Variants in SKI observed in about 807,000 individuals in gnomAD.
The protein encoded by SKI is ski oncogene.
A neutral mutation model predicts 59.3 loss-of-function variants in SKI; 23 were observed. The ratio of observed to expected loss-of-function variants is 0.39; its 90% confidence interval spans 0.28 to 0.55. SKI has a LOEUF of 0.55. Among genes scored for constraint, SKI ranks in the 20% least tolerant of loss-of-function variants. SKI has a pLI of 0.67. For synonymous variants in SKI, 673 were observed against 488.6 expected (o/e 1.38, Z -4.98); for missense variants, 1,017 against 1,038.9 (o/e 0.98, Z 0.29).
At chr1:2,296,517 G>C (rs546964212) in intron 1 of SKI, among the ~76,000 whole-genome samples, 1 of 152,250 alleles carries the variant, frequency 6.6e-6, no homozygotes, top group Non-Finnish European at 1.5e-5. Context: ...CTGGATGTTA[G>C]TATCCTGTTT....
intron 1 of SKI, among the ~76,000 whole-genome samples, chr1:2,292,003 G>A (rs979490683): frequency 5.3e-5 from 8 of 152,246 alleles, no homozygotes; most frequent in Non-Finnish European, 1.0e-4. Context: ...TATCATGTGT[G>A]AAATATTAAT....
intron 1 of SKI, among the ~76,000 whole-genome samples, chr1:2,257,764 A>G (rs1375587927): frequency 5.3e-5 from 8 of 152,088 alleles, no homozygotes; most frequent in Non-Finnish European, 5.9e-5. Flanking sequence ...TTGAGGTGGA[A>G]CTTTGCTCTT....
In SKI at chr1:2,268,727, A is replaced by C. The variant is rs1639550834; in HGVS notation, c.970-34251A>C. 6.6e-6 allele frequency among the ~76,000 whole-genome samples: 1 copy of C among 152,084 alleles called. No homozygotes were observed. Among genetic ancestry groups the C allele is most frequent in the African/African-American group, 2.4e-5 (1 of 41,406 alleles). ...GCAGAGCAGCGTGCCCAGGGGCTGT[A>C]GGTGCAGTCCAGGGAGAGGCCATGA... On this transcript the variant is annotated intron_variant, in intron 1 of 6. Coordinates refer to ENST00000378536, the MANE Select transcript of SKI (RefSeq NM_003036.4). This position sits in a 1 kb window ranked among gnomAD's most constrained non-coding sequence, Gnocchi z 5.0.
At chr1:2,264,667 T>G (rs369573386) in intron 1 of SKI, among the ~76,000 whole-genome samples, 1 of 152,208 alleles carries the variant, frequency 6.6e-6, no homozygotes, top group Non-Finnish European at 1.5e-5. Flanking sequence ...CCCATAGTGC[T>G]GAGATTACAC....
intron 1 of SKI, among the ~76,000 whole-genome samples, chr1:2,242,461 G>A (rs759329051): frequency 6.6e-6 from 1 of 152,206 alleles, no homozygotes; most frequent in African/African-American, 2.4e-5. Flanking sequence ...TTCTGGCCCC[G>A]CAGGGGAGTG....
Position 2,245,286 on chromosome 1 carries a change from C to T in SKI, c.969+15551C>T, listed in dbSNP as rs546289680. ...GTCTCCTTCCTTCTCAAGACTGAAC[C>T]GCAGGCTGCTGTATGGATGTATTTT... On this transcript the variant is annotated intron_variant, in intron 1 of 6. Coordinates refer to ENST00000378536, the MANE Select transcript of SKI (RefSeq NM_003036.4). 6.6e-5 allele frequency among the ~76,000 whole-genome samples: 10 copies of T among 152,194 alleles called. No individual in the cohort carries two copies. In the South Asian group the frequency reaches 1.2e-3, roughly 19 times the overall value.
Position 2,309,258 on chromosome 1 carries a change from ACTC to A in SKI, c.*2497_*2499del, listed in dbSNP as rs1312379503. Reference sequence around the variant, plus strand: ...GAGGTGTCCGCTGTGTGGGCTGCTGACTCCTCTGTGTGTGAGGCCCTTCATCTA... The same window carrying A: ...GAGGTGTCCGCTGTGTGGGCTGCTGACTCTGTGTGTGAGGCCCTTCATCTA... On this transcript the variant is annotated 3_prime_UTR_variant, in exon 7 of 7. Coordinates refer to ENST00000378536, the MANE Select transcript of SKI (RefSeq NM_003036.4). 2 of 151,308 alleles carry A rather than the reference ACTC, an allele frequency of 1.3e-5. No homozygotes were observed. The highest frequency in any genetic ancestry group is 4.9e-5 in the African/African-American group (2 of 41,084). The allele number at this position is 151,308 out of a possible 1,614,324, so 9.4% of individuals were successfully genotyped here. A position where few individuals can be genotyped will look rare whatever the true frequency, so the allele number is the denominator to read the frequency against.
chr1:2,264,904 G>A (rs540559627), intron 1 of SKI, among the ~76,000 whole-genome samples: 155 of 151,736 alleles, frequency 1.0e-3, no homozygotes, highest in Admixed American at 1.8e-3. Flanking sequence ...CTCTGCCTCC[G>A]GGTTCAAGTG....
rs1231740314 is a variant in SKI, at chr1:2,309,250, G to A, written c.*2485G>A. On this transcript the variant is annotated 3_prime_UTR_variant, in exon 7 of 7. Coordinates refer to ENST00000378536, the MANE Select transcript of SKI (RefSeq NM_003036.4). ...AGGGGGAAGAGGTGTCCGCTGTGTG[G>A]GCTGCTGACTCCTCTGTGTGTGAGG... 6.6e-6 allele frequency: 1 copy of A among 152,186 alleles called. No individual in the cohort carries two copies. The highest frequency in any genetic ancestry group is 2.4e-5 in the African/African-American group (1 of 41,418). The allele number at this position is 152,186 out of a possible 1,614,324, so 9.4% of individuals were successfully genotyped here. A position where few individuals can be genotyped will look rare whatever the true frequency, so the allele number is the denominator to read the frequency against.
intron 1 of SKI, among the ~76,000 whole-genome samples, chr1:2,238,767 G>A (rs1046920289): frequency 1.3e-5 from 2 of 152,238 alleles, no homozygotes; most frequent in Non-Finnish European, 2.9e-5. Context: ...GGCACTCACC[G>A]AGTGAGAGCT....
At chr1:2,249,749 G>A (rs1639083782) in intron 1 of SKI, among the ~76,000 whole-genome samples, 1 of 152,224 alleles carries the variant, frequency 6.6e-6, no homozygotes, top group Non-Finnish European at 1.5e-5. Flanking sequence ...CCTGCCTCCT[G>A]CTCAACAGGC....
At chr1:2,251,380 C>G (rs1639144059) in intron 1 of SKI, among the ~76,000 whole-genome samples, 1 of 152,150 alleles carries the variant, frequency 6.6e-6, no homozygotes, top group African/African-American at 2.4e-5. Flanking sequence ...GCCTGGTGTC[C>G]CACAGTACTG....
At position 2,269,772 on chromosome 1, in the gene SKI, G is replaced by C. The variant is rs181077163; in HGVS notation, c.970-33206G>C. 4.1e-4 allele frequency among the ~76,000 whole-genome samples: 63 copies of C among 152,328 alleles called. No individual in the cohort carries two copies. Among genetic ancestry groups the C allele is most frequent in the African/African-American group, 1.3e-3 (52 of 41,568 alleles). ...TCAGGGCTCTGGACCAGAGCAGTGT[G>C]TGGCTGGTGGTACCTGTGGCTGGCG... On this transcript the variant is annotated intron_variant, in intron 1 of 6. Transcript: ENST00000378536. The surrounding 1 kb of genome is among the most constrained non-coding windows in gnomAD (Gnocchi z 4.7).
At chr1:2,278,232 A>G (rs529611697) in intron 1 of SKI, among the ~76,000 whole-genome samples, 4 of 152,304 alleles carry the variant, frequency 2.6e-5, no homozygotes, top group African/African-American at 9.6e-5. Flanking sequence ...GGCTGTCTGA[A>G]CAGGGCAGAG....
chr1:2,244,622 C>T (rs973892896), intron 1 of SKI, among the ~76,000 whole-genome samples: 4 of 152,066 alleles, frequency 2.6e-5, no homozygotes, highest in African/African-American at 9.7e-5. Context: ...TTTAGAGTGT[C>T]TTTGTTAATT....
At chr1:2,250,050 G>A (rs1569720461) in intron 1 of SKI, among the ~76,000 whole-genome samples, 1 of 152,018 alleles carries the variant, frequency 6.6e-6, no homozygotes, top group Non-Finnish European at 1.5e-5. Flanking sequence ...GATTACAGGC[G>A]CCCGCCCACC....
In SKI at chr1:2,307,038, C is replaced by G. The variant is rs1442698526; in HGVS notation, c.*273C>G. ...CTGGTCCTCTGCTTGCTGGAACATT[C>G]TAACATTTACACTTTTGTTATAAGC... On this transcript the variant is annotated 3_prime_UTR_variant, in exon 7 of 7. Coordinates refer to ENST00000378536, the MANE Select transcript of SKI (RefSeq NM_003036.4). The G allele has an allele frequency of 3.7e-6, 1 of 269,876 alleles. No individual in the cohort carries two copies. The highest frequency in any genetic ancestry group is 5.5e-5 in the Admixed American group (1 of 18,078). 16.7% of individuals were successfully genotyped at this position (269,876 alleles called of 1,614,324 possible).
At position 2,238,973 on chromosome 1, in the gene SKI, C is replaced by A. The variant is rs568814800; in HGVS notation, c.969+9238C>A. On this transcript the variant is annotated intron_variant, in intron 1 of 6. Coordinates refer to ENST00000378536, the MANE Select transcript of SKI (RefSeq NM_003036.4). ...GTGGACCTGGAGGGGGGTGGGGACC[C>A]GGCCTGGCATGGTCCCTGGCCACCT... is the stretch of plus-strand genomic sequence containing the variant. 1.7e-3 allele frequency among the ~76,000 whole-genome samples: 257 copies of A among 152,128 alleles called. 1 individual carries two copies. The highest frequency in any genetic ancestry group is 6.8e-3 in the South Asian group (33 of 4,822).
At chr1:2,278,757 A>C (rs55778641) in intron 1 of SKI, among the ~76,000 whole-genome samples, 1 of 151,706 alleles carries the variant, frequency 6.6e-6, no homozygotes, top group Non-Finnish European at 1.5e-5. Context: ...CCCAGGCTGG[A>C]TGCCGTGGCC....
Sources: gnomAD v4.1 joint callset for allele counts (sites outside exome capture counted in the v4.1 genomes callset) on GRCh38, gnomAD v4.1.1 for gene constraint, Gnocchi (gnomAD v3.1) non-coding constraint, MANE v1.5 for transcripts, NCBI Gene and HGNC (gene_info 2026-07-23, HGNC 2026-07-21) for gene names.